The following SPTBN1 variants were observed in gnomAD, a reference collection of about 807,000 sequenced individuals.
The protein encoded by SPTBN1 is spectrin beta chain, non-erythrocytic 1.
Under a neutral mutation model 266.4 loss-of-function variants are expected in SPTBN1, and 32 were observed. The ratio of observed to expected loss-of-function variants is 0.12; its 90% CI spans 0.09 to 0.16. SPTBN1 has a LOEUF of 0.16. SPTBN1 is among the 10% of genes least tolerant of loss of function. SPTBN1 has a pLI of 1.00. For synonymous variants in SPTBN1, 1,336 were observed against 1,162.2 expected (o/e 1.15, Z -3.04); for missense variants, 2,296 against 3,067.1 (o/e 0.75, Z 5.94).
chr2:54,592,947 T>G (rs1480353941), intron 2 of SPTBN1, among the ~76,000 whole-genome samples: 1 of 152,174 alleles, frequency 6.6e-6, no homozygotes, highest in Non-Finnish European at 1.5e-5. Flanking sequence ...CCTAATAGTT[T>G]GCTGTGAAGA....
At chr2:54,500,392 GT>G (rs201147767) in intron 1 of SPTBN1, among the ~76,000 whole-genome samples, 9 of 149,918 alleles carry the variant, frequency 6.0e-5, no homozygotes, top group Non-Finnish European at 1.3e-4. Flanking sequence ...GATTTGTTCT[GT>G]TTTTTTTTCA....
chr2:54,477,223 C>T (rs1444731159), intron 1 of SPTBN1, among the ~76,000 whole-genome samples: 3 of 152,086 alleles, frequency 2.0e-5, no homozygotes, highest in African/African-American at 7.2e-5. Context: ...TTTATGCCTG[C>T]GTATGTAACA....
chr2:54,530,353 C>CTTTTTCTTTTTT (rs1671145774), intron 2 of SPTBN1, among the ~76,000 whole-genome samples: 1 of 73,882 alleles, frequency 1.4e-5, no homozygotes, highest in Non-Finnish European at 2.4e-5. Flanking sequence ...TTGTAAAAAA[C>CTTTTTCTTTTTT]TTTTTTTTTT....
intron 32 of SPTBN1, chr2:54,660,809 C>T (rs1391703180): frequency 1.3e-5 from 13 of 985,308 alleles, no homozygotes; most frequent in South Asian, 4.7e-5. Flanking sequence ...TGACTGCTGC[C>T]GCCACCTCTG....
chr2:54,616,959 T>G (rs1214531695), intron 5 of SPTBN1, among the ~76,000 whole-genome samples: 1 of 152,210 alleles, frequency 6.6e-6, no homozygotes, highest in Non-Finnish European at 1.5e-5. Flanking sequence ...CCATCCATTC[T>G]GAGAGCTAGC....
In SPTBN1 at chr2:54,626,257, G is replaced by A. The variant is rs755554882; in HGVS notation, c.1644+23G>A. 1 of 1,604,228 alleles carries A rather than the reference G, an allele frequency of 6.2e-7. No individual in the cohort carries two copies. Among genetic ancestry groups the A allele is most frequent in the South Asian group, 1.1e-5 (1 of 90,074 alleles). ...AAGGTAAAACCTGACCGAAAGGAAG[G>A]ACGACAGAGCTGATCCAACCAGGGC... is the stretch of plus-strand genomic sequence containing the variant. On this transcript the variant is annotated intron_variant, in intron 12 of 35. Transcript: ENST00000356805. The surrounding 1 kb of genome is among the most constrained non-coding windows in gnomAD (Gnocchi z 4.7).
rs763994638 is a variant in SPTBN1 at position 54,646,034 on chromosome 2, G to T, written c.4584+17G>T. ...AAAAATCAGGTAAGCCTTTCTGCTC[G>T]AGCTAGTTCTGTCTGATAAATAATT... is the stretch of plus-strand genomic sequence containing the variant. On this transcript the variant is annotated intron_variant, in intron 22 of 35. Transcript: ENST00000356805. This position sits in a 1 kb window ranked among gnomAD's most constrained non-coding sequence, Gnocchi z 4.4. The T allele has an allele frequency of 1.9e-6, 3 of 1,614,146 alleles. No individual in the cohort carries two copies. In the East Asian group the frequency reaches 6.7e-5, roughly 36 times the overall value.
At chr2:54,553,849 T>G (rs1404681609) in intron 2 of SPTBN1, among the ~76,000 whole-genome samples, 1 of 152,218 alleles carries the variant, frequency 6.6e-6, no homozygotes, top group African/African-American at 2.4e-5. Flanking sequence ...CTTGCTGTAA[T>G]GCAGGAAAAG....
At chr2:54,564,745 A>G (rs755431748) in intron 2 of SPTBN1, among the ~76,000 whole-genome samples, 22 of 152,318 alleles carry the variant, frequency 1.4e-4, no homozygotes, top group African/African-American at 4.1e-4. Context: ...GGGGAGGTCA[A>G]CATCCCTGCT....
chr2:54,550,438 C>A (rs1040916566), intron 2 of SPTBN1, among the ~76,000 whole-genome samples: 1 of 152,158 alleles, frequency 6.6e-6, no homozygotes, highest in African/African-American at 2.4e-5. Context: ...TGTTCCATAT[C>A]TCTGCAACTG....
chr2:54,600,729 T>G lies in SPTBN1; in HGVS notation c.300+1486T>G, dbSNP rs184333166. ...TTATTTATTGATTTTTTTTTTTTTTTTGTGGAGTGGGGGAATGGTGTTTTG... is the reference window on the plus strand; with the variant it reads ...TTATTTATTGATTTTTTTTTTTTTTGTGTGGAGTGGGGGAATGGTGTTTTG... On this transcript the variant is annotated intron_variant, in intron 3 of 35. Coordinates refer to ENST00000356805, the MANE Select transcript of SPTBN1 (RefSeq NM_003128.3). Among the ~76,000 whole-genome samples the G allele has an allele frequency of 6.5e-3, 987 of 151,536 alleles. 6 individuals are homozygous for G. Among genetic ancestry groups the G allele is most frequent in the Non-Finnish European group, 8.4e-3 (570 of 67,868 alleles).
At chr2:54,481,624 C>T (rs1404665119) in intron 1 of SPTBN1, among the ~76,000 whole-genome samples, 1 of 152,048 alleles carries the variant, frequency 6.6e-6, no homozygotes, top group African/African-American at 2.4e-5. Context: ...GATTTTGGAC[C>T]AATACCGGCT....
intron 17 of SPTBN1, among the ~76,000 whole-genome samples, chr2:54,633,720 T>C (rs933683091): frequency 6.6e-6 from 1 of 152,190 alleles, no homozygotes; most frequent in Non-Finnish European, 1.5e-5. Context: ...CCTTCAAGTG[T>C]GTTGGAAAGG....
intron 32 of SPTBN1, chr2:54,660,308 A>G: frequency 7.6e-7 from 1 of 1,308,740 alleles, no homozygotes. Context: ...TGAGCTTTTT[A>G]CTTTATTAAG....
At chr2:54,559,650 C>T (rs1307383091) in intron 2 of SPTBN1, among the ~76,000 whole-genome samples, 1 of 152,200 alleles carries the variant, frequency 6.6e-6, no homozygotes, top group East Asian at 1.9e-4. Context: ...GCTGTCCCTG[C>T]CCAGCCAGCA....
chr2:54,499,556 A>G (rs1669143204), intron 1 of SPTBN1, among the ~76,000 whole-genome samples: 2 of 152,244 alleles, frequency 1.3e-5, no homozygotes, highest in African/African-American at 2.4e-5. Flanking sequence ...GTTGCTTTAC[A>G]TGTGAAAAAT....
intron 1 of SPTBN1, among the ~76,000 whole-genome samples, chr2:54,469,007 C>T (rs946579467): frequency 6.6e-6 from 1 of 152,054 alleles, no homozygotes; most frequent in Non-Finnish European, 1.5e-5. Flanking sequence ...GCTCAGCTTT[C>T]TTGGGGTCTT....
chr2:54,514,524 T>TGGGC (rs1670014981), intron 1 of SPTBN1, among the ~76,000 whole-genome samples: 2 of 152,200 alleles, frequency 1.3e-5, no homozygotes, highest in African/African-American at 4.8e-5. Flanking sequence ...AGGTTCATAA[T>TGGGC]GGGCATTTTA....
In SPTBN1 at chr2:54,509,617, A is replaced by G. The variant is rs564716214; in HGVS notation, c.-47-16755A>G. Among the ~76,000 whole-genome samples the G allele has an allele frequency of 1.5e-4, 23 of 152,350 alleles. No homozygotes were observed. In the Middle Eastern group the frequency reaches 0.014, roughly 90 times the overall value. On this transcript the variant is annotated intron_variant, in intron 1 of 35. Coordinates refer to ENST00000356805, the MANE Select transcript of SPTBN1 (RefSeq NM_003128.3). ...TTGAGAGTTAGCAGTGCCATTGCTA[A>G]TGAGATTAGAAAGCCTTCATTAATT... is the stretch of plus-strand genomic sequence containing the variant.
Sources: gnomAD v4.1 joint callset for allele counts (sites outside exome capture counted in the v4.1 genomes callset) on GRCh38, gnomAD v4.1.1 for gene constraint, Gnocchi (gnomAD v3.1) non-coding constraint, MANE v1.5 for transcripts, NCBI Gene and HGNC (gene_info 2026-07-23, HGNC 2026-07-21) for gene names.